Variants in NPAS3 observed in about 807,000 individuals in gnomAD.
NPAS3 encodes the protein neuronal PAS domain protein 3, also known as neuronal PAS domain-containing protein 3.
A neutral mutation model predicts 73.1 loss-of-function variants in NPAS3; 14 were observed. The observed-to-expected ratio is 0.19, with a 90% CI of 0.13 to 0.30. NPAS3 has a LOEUF of 0.30. Among genes scored for constraint, NPAS3 ranks in the 10% least tolerant of loss-of-function variants. The pLI, the probability that NPAS3 is intolerant of heterozygous loss-of-function variation, is 1.00. For synonymous variants in NPAS3, 620 were observed against 541.5 expected (o/e 1.14, Z -2.01); for missense variants, 1,096 against 1,250.0 (o/e 0.88, Z 1.86).
chr14:33,388,428 C>G (rs2046861243), intron 4 of NPAS3, among the ~76,000 whole-genome samples: 1 of 150,942 alleles, frequency 6.6e-6, no homozygotes, highest in Admixed American at 6.6e-5. Flanking sequence ...GGCTTTACCC[C>G]CAGGGAAATA....
chr14:33,714,740 G>A (rs2060914251), intron 6 of NPAS3, among the ~76,000 whole-genome samples: 1 of 151,928 alleles, frequency 6.6e-6, no homozygotes, highest in African/African-American at 2.4e-5. Context: ...TAACATCTCT[G>A]ACTTTGGAGT....
intron 2 of NPAS3, among the ~76,000 whole-genome samples, chr14:33,182,330 C>G (rs941557671): frequency 6.6e-6 from 1 of 152,048 alleles, no homozygotes. Flanking sequence ...GAATTTTGAA[C>G]GCTTTTCTCC....
At chr14:33,327,690 AG>A (rs764231329) in intron 3 of NPAS3, among the ~76,000 whole-genome samples, 59 of 152,224 alleles carry the variant, frequency 3.9e-4, no homozygotes, top group Non-Finnish European at 6.9e-4. Context: ...AAATTTGAAC[AG>A]GTAGAGATGA....
intron 2 of NPAS3, among the ~76,000 whole-genome samples, chr14:33,154,143 A>T (rs2044562383): frequency 6.6e-6 from 1 of 152,050 alleles, no homozygotes; most frequent in African/African-American, 2.4e-5. Context: ...CCTAATTTGG[A>T]TTACCATTTT....
chr14:33,198,775 C>T (rs974468793), intron 2 of NPAS3, among the ~76,000 whole-genome samples: 6 of 152,196 alleles, frequency 3.9e-5, no homozygotes, highest in African/African-American at 1.2e-4. Flanking sequence ...TGGGACCGGA[C>T]GCCATGGAGC....
At chr14:33,599,307 T>TAATC (rs1189756247) in intron 5 of NPAS3, among the ~76,000 whole-genome samples, 1 of 152,240 alleles carries the variant, frequency 6.6e-6, no homozygotes, top group Non-Finnish European at 1.5e-5. Context: ...AGTTGTAATT[T>TAATC]AATCATTTTA....
intron 6 of NPAS3, among the ~76,000 whole-genome samples, chr14:33,719,639 C>T (rs8006955): frequency 0.42 from 63,464 of 151,996 alleles, 14,258 homozygotes; most frequent in Non-Finnish European, 0.51. Context: ...GAGATTAAAA[C>T]AAAATGGAAG....
Position 33,676,197 on chromosome 14 carries a change from C to A in NPAS3, c.559-14C>A. The A allele has an allele frequency of 6.2e-7, 1 of 1,613,244 alleles. No individual in the cohort carries two copies. The highest frequency in any genetic ancestry group is 8.5e-7 in the Non-Finnish European group (1 of 1,179,508). On this transcript the variant is annotated splice_polypyrimidine_tract_variant and intron_variant, in intron 5 of 11. Transcript: ENST00000356141. ...ATAATGTCTTTCCTTCCCACCCTTTCTCTCGCCCTCTAGGTGGAGCTGACA... is the reference window on the plus strand; with the variant it reads ...ATAATGTCTTTCCTTCCCACCCTTTATCTCGCCCTCTAGGTGGAGCTGACA...
intron 3 of NPAS3, among the ~76,000 whole-genome samples, chr14:33,361,034 A>G (rs1460445526): frequency 6.6e-6 from 1 of 152,166 alleles, no homozygotes; most frequent in Non-Finnish European, 1.5e-5. Flanking sequence ...TAATCACCCC[A>G]TATGTAGCCC....
intron 3 of NPAS3, among the ~76,000 whole-genome samples, chr14:33,253,470 A>G (rs2048663143): frequency 6.6e-6 from 1 of 152,042 alleles, no homozygotes. Context: ...TATGAGAAGC[A>G]GCTCCTCACA....
chr14:33,351,513 A>G (rs2045050729), intron 3 of NPAS3, among the ~76,000 whole-genome samples: 1 of 152,244 alleles, frequency 6.6e-6, no homozygotes, highest in African/African-American at 2.4e-5. Context: ...CCATGTATAT[A>G]TGTCTTTGGA....
chr14:33,154,870 G>A (rs759507892), intron 2 of NPAS3, among the ~76,000 whole-genome samples: 27 of 152,126 alleles, frequency 1.8e-4, no homozygotes, highest in Non-Finnish European at 3.5e-4. Flanking sequence ...TGCCATTTGA[G>A]GCTTCTACCC....
intron 5 of NPAS3, among the ~76,000 whole-genome samples, chr14:33,675,171 C>G (rs1367784186): frequency 6.6e-6 from 1 of 152,138 alleles, no homozygotes; most frequent in African/African-American, 2.4e-5. Context: ...CCATTAGTGA[C>G]CTGGGAAAGA....
chr14:33,602,543 G>A lies in NPAS3; in HGVS notation c.558+42333G>A, dbSNP rs144168754. On this transcript the variant is annotated intron_variant, in intron 5 of 11. Transcript: ENST00000356141. Reference sequence around the variant, plus strand: ...GTCTCTCCCAGCAGGCATCCTGCACGCACTCACCTCTTGCGCTGCAGCAGA... The same window carrying A: ...GTCTCTCCCAGCAGGCATCCTGCACACACTCACCTCTTGCGCTGCAGCAGA... 7.6e-4 allele frequency among the ~76,000 whole-genome samples: 115 copies of A among 152,302 alleles called. 1 individual carries two copies. The highest frequency in any genetic ancestry group is 6.6e-3 in the South Asian group (32 of 4,830).
intron 4 of NPAS3, among the ~76,000 whole-genome samples, chr14:33,401,753 CTT>C (rs1566869588): frequency 6.6e-6 from 1 of 152,064 alleles, no homozygotes; most frequent in Non-Finnish European, 1.5e-5. Context: ...TAAAAACACT[CTT>C]AGCGTACACT....
chr14:33,484,744 T>C (rs1042928798), intron 4 of NPAS3, among the ~76,000 whole-genome samples: 3 of 152,130 alleles, frequency 2.0e-5, no homozygotes, highest in Admixed American at 6.6e-5. Context: ...AGGAAAAGAT[T>C]CTCGTGCCAG....
intron 4 of NPAS3, among the ~76,000 whole-genome samples, chr14:33,419,517 A>G (rs1403641903): frequency 6.6e-6 from 1 of 151,886 alleles, no homozygotes; most frequent in African/African-American, 2.4e-5. Context: ...GAGAAAAGTA[A>G]ATGCTTATTT....
intron 2 of NPAS3, among the ~76,000 whole-genome samples, chr14:33,082,708 G>T (rs2041897546): frequency 6.6e-6 from 1 of 152,204 alleles, no homozygotes. Context: ...CCCAAGTTTA[G>T]AATCTCAGCT....
At chr14:33,735,039 CT>C (rs1242558235) in intron 6 of NPAS3, among the ~76,000 whole-genome samples, 174 bp from the exon 7 acceptor site, 1 of 152,110 alleles carries the variant, frequency 6.6e-6, no homozygotes, top group Non-Finnish European at 1.5e-5. Flanking sequence ...ATTAATTTTT[CT>C]TTTTTATTTT....
Sources: gnomAD v4.1 joint callset for allele counts (sites outside exome capture counted in the v4.1 genomes callset) on GRCh38, gnomAD v4.1.1 for gene constraint, MANE v1.5 for transcripts, NCBI Gene and HGNC (gene_info 2026-07-23, HGNC 2026-07-21) for gene names.